The following ELF1 variants were observed in gnomAD, a reference collection of about 807,000 sequenced individuals.
ELF1 encodes E74 like ETS transcription factor 1.
A neutral mutation model predicts 59.9 loss-of-function variants in ELF1; 24 were observed. The observed-to-expected ratio is 0.40, with a 90% CI of 0.29 to 0.56. The LOEUF is 0.56. ELF1 is among the 20% of genes least tolerant of loss of function. The pLI, the probability that ELF1 is intolerant of heterozygous loss-of-function variation, is 0.44. For missense variants in ELF1, 627 were observed against 742.2 expected, an observed-to-expected ratio of 0.84 and a Z score of 1.80; for synonymous variants, 248 against 266.2, an observed-to-expected ratio of 0.93 and a Z score of 0.67.
At chr13:40,980,470 T>A (rs372917001) in intron 2 of ELF1, among the ~76,000 whole-genome samples, 73 of 152,270 alleles carry the variant, frequency 4.8e-4, no homozygotes, top group Middle Eastern at 3.4e-3. Flanking sequence ...CAAAACAAAC[T>A]AAGTATATCA....
intron 1 of ELF1, among the ~76,000 whole-genome samples, chr13:40,985,139 C>G (rs1026444736): frequency 6.6e-6 from 1 of 152,216 alleles, no homozygotes; most frequent in Non-Finnish European, 1.5e-5. Flanking sequence ...AAGCATTTTA[C>G]TGGCTCAATC....
chr13:41,003,759 A>C (rs1005583981), intron 1 of ELF1, among the ~76,000 whole-genome samples: 5 of 152,174 alleles, frequency 3.3e-5, no homozygotes, highest in Non-Finnish European at 5.9e-5. Flanking sequence ...GAGATTTTTG[A>C]TGCTTAGCGA....
chr13:41,051,864 T>C (rs184142727), intron 1 of ELF1, among the ~76,000 whole-genome samples: 2 of 152,168 alleles, frequency 1.3e-5, no homozygotes, highest in East Asian at 3.9e-4. Context: ...ACAAAATTTA[T>C]AGAATAGTTA....
intron 1 of ELF1, among the ~76,000 whole-genome samples, chr13:41,026,227 C>T (rs1279798363): frequency 2.0e-5 from 3 of 152,178 alleles, no homozygotes; most frequent in Admixed American, 6.5e-5. Flanking sequence ...TAGGGGTCTA[C>T]TGGTGTGAGG....
chr13:41,030,275 T>C (rs1876109556), intron 1 of ELF1, among the ~76,000 whole-genome samples: 1 of 152,148 alleles, frequency 6.6e-6, no homozygotes, highest in African/African-American at 2.4e-5. Flanking sequence ...CAAATGCTGA[T>C]GGCAGATCAA....
intron 1 of ELF1, chr13:40,982,788 G>A: frequency 1.4e-6 from 1 of 729,982 alleles, no homozygotes; most frequent in East Asian, 1.3e-4. Context: ...TTAAAAATAA[G>A]CAGAAATTAA....
intron 1 of ELF1, among the ~76,000 whole-genome samples, chr13:41,035,952 T>A (rs555912839): frequency 4.6e-5 from 7 of 151,316 alleles, no homozygotes; most frequent in African/African-American, 1.5e-4. Flanking sequence ...CAGGCTGAAG[T>A]ACAGTGCAGT....
upstream of ELF1, among the ~76,000 whole-genome samples, chr13:41,022,227 A>G (rs979413180): frequency 1.1e-4 from 16 of 152,238 alleles, no homozygotes; most frequent in African/African-American, 3.4e-4. Context: ...AATGCTACTC[A>G]GCAACAAAAA....
At chr13:40,979,540 A>C (rs1394608802) in intron 2 of ELF1, among the ~76,000 whole-genome samples, 3 of 152,230 alleles carry the variant, frequency 2.0e-5, no homozygotes, top group Non-Finnish European at 4.4e-5. Flanking sequence ...GTTCACTGCA[A>C]TATTGTACAT....
chr13:41,009,822 AT>A (rs1421576151), intron 1 of ELF1, among the ~76,000 whole-genome samples: 1 of 152,012 alleles, frequency 6.6e-6, no homozygotes, highest in Non-Finnish European at 1.5e-5. Context: ...TTAAACTTCA[AT>A]TTAATAATGT....
intron 3 of ELF1, among the ~76,000 whole-genome samples, chr13:40,955,386 C>T (rs1429941235): frequency 2.1e-5 from 3 of 143,050 alleles, no homozygotes; most frequent in African/African-American, 5.2e-5. Flanking sequence ...GGGGTCATCC[C>T]CCTGCCCGGC....
intron 8 of ELF1, among the ~76,000 whole-genome samples, chr13:40,940,423 C>T (rs1409682032): frequency 8.2e-6 from 1 of 122,428 alleles, no homozygotes; most frequent in South Asian, 2.8e-4. Flanking sequence ...AAAAAACAAA[C>T]CTACTTTTTC....
chr13:41,036,785 T>G (rs1876399143), intron 1 of ELF1, among the ~76,000 whole-genome samples: 1 of 152,226 alleles, frequency 6.6e-6, no homozygotes, highest in African/African-American at 2.4e-5. Context: ...TAAAAAATGA[T>G]GAGTTCATGT....
At chr13:40,948,648 C>T (rs1413772205) in intron 5 of ELF1, among the ~76,000 whole-genome samples, 3 of 152,192 alleles carry the variant, frequency 2.0e-5, no homozygotes, top group Non-Finnish European at 4.4e-5. Flanking sequence ...TGAGTAGAAT[C>T]AGAAGGCAAT....
intron 5 of ELF1, among the ~76,000 whole-genome samples, chr13:40,945,490 T>G (rs1870448668): frequency 6.6e-6 from 1 of 152,142 alleles, no homozygotes; most frequent in African/African-American, 2.4e-5. Context: ...CCGGTCGGCT[T>G]CTTTTTTTTG....
chr13:40,944,021 C>A (rs1157049955), intron 5 of ELF1, 96 bp from the exon 6 acceptor site: 14 of 1,197,048 alleles, frequency 1.2e-5, no homozygotes, highest in Non-Finnish European at 1.4e-5. Flanking sequence ...ATTTCAAGTG[C>A]CAAATGTTTT....
intron 1 of ELF1, among the ~76,000 whole-genome samples, chr13:41,039,350 A>C (rs1040250753): frequency 6.6e-6 from 1 of 151,726 alleles, no homozygotes. Context: ...AAAAAAAAAA[A>C]AAAAAAACCT....
chr13:40,948,322 T>C (rs559001632), intron 5 of ELF1, among the ~76,000 whole-genome samples: 1 of 152,178 alleles, frequency 6.6e-6, no homozygotes, highest in Non-Finnish European at 1.5e-5. Flanking sequence ...TCTGTGCCAA[T>C]GGGTGGATTT....
At chr13:41,016,041 A>T (rs1160362450) in intron 1 of ELF1, among the ~76,000 whole-genome samples, 2 of 152,180 alleles carry the variant, frequency 1.3e-5, no homozygotes, top group African/African-American at 2.4e-5. Context: ...CATTCCTTCA[A>T]GATAAACTCT....
Sources: allele counts gnomAD v4.1 joint callset (sites outside exome capture counted in the v4.1 genomes callset), GRCh38; gene constraint gnomAD v4.1.1; transcripts MANE v1.5; gene names NCBI Gene and HGNC (gene_info 2026-07-23, HGNC 2026-07-21).